The following TENM3 variants were observed in gnomAD, a reference collection of about 807,000 sequenced individuals.
TENM3 encodes teneurin transmembrane protein 3, also known as teneurin-3.
Under a neutral mutation model 255.1 loss-of-function variants are expected in TENM3, and 63 were observed. That is an observed-to-expected ratio of 0.25 (90% CI 0.20 to 0.30). The LOEUF (loss-of-function observed/expected upper bound fraction) is 0.30, where lower values mean the gene tolerates loss of function less well. TENM3 is among the 10% of genes least tolerant of loss of function. TENM3 has a pLI of 1.00. For missense variants in TENM3, 2,929 were observed against 3,461.1 expected, an observed-to-expected ratio of 0.85 and a Z score of 3.86; for synonymous variants, 1,306 against 1,322.3, an observed-to-expected ratio of 0.99 and a Z score of 0.27.
intron 3 of TENM3, among the ~76,000 whole-genome samples, chr4:182,562,222 G>A (rs764149452): frequency 1.3e-5 from 2 of 152,100 alleles, no homozygotes; most frequent in Non-Finnish European, 2.9e-5. Context: ...TTAATTTTGA[G>A]CCACTATTCC....
chr4:181,533,593 C>T, the TENM3 span, among the ~76,000 whole-genome samples: 8 of 152,266 alleles, frequency 5.3e-5, no homozygotes, highest in South Asian at 1.7e-3. Context: ...GGGTCTCCTT[C>T]CCTCTCCATA....
chr4:182,474,821 T>G (rs2151475792), intron 3 of TENM3, among the ~76,000 whole-genome samples: 1 of 152,280 alleles, frequency 6.6e-6, no homozygotes, highest in South Asian at 2.1e-4. Flanking sequence ...TAATATTGTA[T>G]CCCCTTCTTT....
At chr4:181,522,583 G>T in the TENM3 span, 1 of 421,076 alleles carries the variant, frequency 2.4e-6, no homozygotes, top group South Asian at 2.4e-5. Context: ...CAGTAAATTT[G>T]GAGAAATAGA....
At chr4:182,671,306 C>CA (rs1463232389) in intron 6 of TENM3, among the ~76,000 whole-genome samples, 1 of 152,178 alleles carries the variant, frequency 6.6e-6, no homozygotes, top group East Asian at 1.9e-4. Flanking sequence ...TGTCTGACTC[C>CA]AAAACGGGTT....
chr4:181,994,535 G>GT, the TENM3 span, among the ~76,000 whole-genome samples: 2 of 132,988 alleles, frequency 1.5e-5, no homozygotes, highest in Non-Finnish European at 3.2e-5. Flanking sequence ...TTGTTTGTTG[G>GT]TTTTTTTGTT....
At chr4:182,066,109 A>T in the TENM3 span, among the ~76,000 whole-genome samples, 2 of 152,148 alleles carry the variant, frequency 1.3e-5, no homozygotes, top group Non-Finnish European at 2.9e-5. Context: ...TTACGTTCCC[A>T]CCAGCAATGC....
the TENM3 span, among the ~76,000 whole-genome samples, chr4:181,838,943 C>A: frequency 6.6e-6 from 1 of 151,536 alleles, no homozygotes; most frequent in East Asian, 1.9e-4. Context: ...CTTAAAAATG[C>A]ATGTTTTATT....
upstream of TENM3, among the ~76,000 whole-genome samples, chr4:182,238,778 T>A (rs1479214064): frequency 6.6e-6 from 1 of 152,190 alleles, no homozygotes; most frequent in African/African-American, 2.4e-5. Context: ...ATGACTGTAT[T>A]GTGAAAATTA....
At chr4:182,446,352 G>A (rs1462194090) in intron 3 of TENM3, among the ~76,000 whole-genome samples, 1 of 152,090 alleles carries the variant, frequency 6.6e-6, no homozygotes, top group Admixed American at 6.6e-5. Context: ...TATCTAATTA[G>A]CATTTTAAAT....
the TENM3 span, among the ~76,000 whole-genome samples, chr4:182,129,533 A>G: frequency 6.6e-6 from 1 of 152,148 alleles, no homozygotes; most frequent in East Asian, 1.9e-4. Flanking sequence ...GAAAGACTAT[A>G]ATAGATCACC....
At chr4:181,709,935 A>G in the TENM3 span, among the ~76,000 whole-genome samples, 17 of 152,296 alleles carry the variant, frequency 1.1e-4, no homozygotes, top group East Asian at 9.7e-4. Flanking sequence ...AGCTAGAGAG[A>G]CTGAAGAAGA....
the TENM3 span, among the ~76,000 whole-genome samples, chr4:181,692,628 T>C: frequency 6.6e-6 from 1 of 152,204 alleles, no homozygotes; most frequent in African/African-American, 2.4e-5. Flanking sequence ...CTTGTATGCA[T>C]AGACACAGTT....
At chr4:182,248,260 TA>T (rs985928125) in intron 1 of TENM3, among the ~76,000 whole-genome samples, 11 of 151,720 alleles carry the variant, frequency 7.3e-5, no homozygotes, top group African/African-American at 2.7e-4. Context: ...TACAGTATAA[TA>T]AAAAAAATTT....
chr4:182,764,909 G>A (rs1272068270), intron 22 of TENM3, among the ~76,000 whole-genome samples: 3 of 152,164 alleles, frequency 2.0e-5, no homozygotes, highest in Non-Finnish European at 4.4e-5. Flanking sequence ...AGGAAAGGTA[G>A]GAGGCAGTAG....
intron 3 of TENM3, among the ~76,000 whole-genome samples, chr4:182,551,450 A>G (rs17073573): frequency 0.014 from 2,180 of 152,254 alleles, 44 homozygotes; most frequent in African/African-American, 0.05. Flanking sequence ...AAATAAATAC[A>G]TGGTCAATTA....
chr4:181,850,498 A>G, the TENM3 span, among the ~76,000 whole-genome samples: 222 of 152,246 alleles, frequency 1.5e-3, 1 homozygote, highest in Admixed American at 0.012. Context: ...CAAAACTTTA[A>G]AAGTTGAACA....
chr4:181,908,217 A>G, the TENM3 span, among the ~76,000 whole-genome samples: 1 of 152,192 alleles, frequency 6.6e-6, no homozygotes, highest in African/African-American at 2.4e-5. Flanking sequence ...CAATGTGCCC[A>G]TATATTTTAA....
rs188774759 is a variant in TENM3, at chr4:182,374,072, C to T, written c.511+27143C>T. On this transcript the variant is annotated intron_variant, in intron 3 of 27. Transcript: ENST00000511685. Reference sequence around the variant, plus strand: ...TATGTATATTTAGAAGTAACTCTAACGGGAGCTACAGTCACGTGTGAGTTT... The same window carrying T: ...TATGTATATTTAGAAGTAACTCTAATGGGAGCTACAGTCACGTGTGAGTTT... Among the ~76,000 whole-genome samples, 6 of 152,162 alleles carry T rather than the reference C, an allele frequency of 3.9e-5. No individual in the cohort carries two copies. The East Asian group carries it at 5.8e-4, about 15-fold the overall frequency.
rs1319168232 is a variant in TENM3 at position 182,628,690 on chromosome 4, G to C, written c.789G>C (p.Leu263=). ...LFKTGTGTTP[L]FSTATPGYTM... is the part of the protein sequence containing the mutation. ...AAACAGGAACAGGTACAACGCCACT[G>C]TTCAGTACTGCAACCCCAGGATACA... is the stretch of plus-strand genomic sequence containing the variant. Residue 263 remains leucine, a synonymous_variant, in exon 5 of 28, where the codon CTG becomes CTC. Transcript: ENST00000511685. 6.2e-7 allele frequency: 1 copy of C among 1,604,070 alleles called. No individual in the cohort carries two copies. Among genetic ancestry groups the C allele is most frequent in the Non-Finnish European group, 8.5e-7 (1 of 1,175,134 alleles).
Sources: allele counts gnomAD v4.1 joint callset (sites outside exome capture counted in the v4.1 genomes callset), GRCh38; gene constraint gnomAD v4.1.1; transcripts MANE v1.5; gene names NCBI Gene and HGNC (gene_info 2026-07-23, HGNC 2026-07-21).